Variants in TBCK observed in about 807,000 individuals in gnomAD.
TBCK encodes the protein TBC1 domain containing kinase.
Under a neutral mutation model 113.4 loss-of-function variants are expected in TBCK, and 99 were observed. The observed-to-expected ratio is 0.87, with a 90% CI of 0.74 to 1.03. The LOEUF (loss-of-function observed/expected upper bound fraction) is 1.03. Ranked by LOEUF, TBCK falls within the 50% of genes least tolerant of loss-of-function variation. The probability of loss-of-function intolerance (pLI) is 0.00; values close to 1 mark genes in which losing one functional copy is unlikely to be tolerated. For synonymous variants in TBCK, 369 were observed against 370.8 expected (o/e 1.00, Z 0.05); for missense variants, 1,045 against 1,061.3 (o/e 0.98, Z 0.21).
At chr4:106,269,535 C>T (rs570451257) in intron 3 of TBCK, among the ~76,000 whole-genome samples, 36 of 152,254 alleles carry the variant, frequency 2.4e-4, no homozygotes, top group African/African-American at 6.7e-4. Context: ...ACTGGGCACA[C>T]ATGTTTTAGC....
intron 23 of TBCK, among the ~76,000 whole-genome samples, chr4:106,124,920 G>A (rs1257888092): frequency 6.6e-6 from 1 of 151,348 alleles, no homozygotes; most frequent in Non-Finnish European, 1.5e-5. Flanking sequence ...GTTAGTGGGT[G>A]CAGCGCACCA....
chr4:106,078,079 A>T (rs1295651275), intron 25 of TBCK, among the ~76,000 whole-genome samples: 1 of 152,226 alleles, frequency 6.6e-6, no homozygotes, highest in Non-Finnish European at 1.5e-5. Flanking sequence ...AAATCAAAAC[A>T]TTATTTGAAA....
chr4:106,099,386 A>G (rs997754968), intron 24 of TBCK, among the ~76,000 whole-genome samples: 5 of 152,074 alleles, frequency 3.3e-5, no homozygotes, highest in Admixed American at 6.6e-5. Context: ...AAGAAGATCT[A>G]CCTACCTTTG....
At chr4:106,313,805 T>C (rs1219653173) in intron 1 of TBCK, among the ~76,000 whole-genome samples, 1 of 152,182 alleles carries the variant, frequency 6.6e-6, no homozygotes, top group African/African-American at 2.4e-5. Flanking sequence ...TCCACCTACC[T>C]ATTCCCCAGG....
intron 22 of TBCK, among the ~76,000 whole-genome samples, chr4:106,182,895 G>C (rs558797966): frequency 5.9e-5 from 9 of 151,942 alleles, no homozygotes; most frequent in Non-Finnish European, 1.2e-4. Context: ...AAATTATAGT[G>C]GATAGAAATG....
intron 23 of TBCK, among the ~76,000 whole-genome samples, chr4:106,128,943 C>T (rs1162218660): frequency 3.3e-5 from 5 of 152,034 alleles, no homozygotes. Flanking sequence ...GAAGCAGACT[C>T]AAATACATAT....
rs147466117 is a variant in TBCK at position 106,233,297 on chromosome 4, ATG to A, written c.1513-235_1513-234del. Among the ~76,000 whole-genome samples, 858 of 152,096 alleles carry A rather than the reference ATG, an allele frequency of 5.6e-3. 8 individuals carry two copies. Among genetic ancestry groups the A allele is most frequent in the African/African-American group, 0.02 (828 of 41,488 alleles). ...AGACCATTTCTTTTGAAAGGTATGT[ATG>A]TGTTAATATACTTTTCAAAAATATT... On this transcript the variant is annotated intron_variant, in intron 16 of 25. Transcript: ENST00000394708.
intron 19 of TBCK, among the ~76,000 whole-genome samples, chr4:106,227,974 C>A (rs1239644496): frequency 6.6e-6 from 1 of 151,804 alleles, no homozygotes; most frequent in Admixed American, 6.6e-5. Context: ...TATGTTTAAC[C>A]TCTACAATAT....
intron 3 of TBCK, among the ~76,000 whole-genome samples, chr4:106,266,074 A>C (rs889515943): frequency 6.6e-6 from 1 of 151,572 alleles, no homozygotes; most frequent in East Asian, 1.9e-4. Context: ...TCTTCAAAAA[A>C]TAAACTAACT....
Position 106,098,362 on chromosome 4 carries a change from A to G in TBCK, c.2412-2721T>C, listed in dbSNP as rs184681927. ...GCTTCAAAGAACCCAGTTCAGAGGAAATATTACTATTAAGGAAATAGTAGC... is the reference window on the plus strand; with the variant it reads ...GCTTCAAAGAACCCAGTTCAGAGGAGATATTACTATTAAGGAAATAGTAGC... On this transcript the variant is annotated intron_variant, in intron 24 of 25. Coordinates refer to ENST00000394708, the MANE Select transcript of TBCK (RefSeq NM_001163435.3). Among the ~76,000 whole-genome samples, 1,081 of 152,146 alleles carry G rather than the reference A, an allele frequency of 7.1e-3. 10 individuals carry two copies. The highest frequency in any genetic ancestry group is 9.9e-3 in the Non-Finnish European group (671 of 67,890).
At chr4:106,117,888 A>T (rs1171114168) in intron 23 of TBCK, among the ~76,000 whole-genome samples, 1 of 152,084 alleles carries the variant, frequency 6.6e-6, no homozygotes, top group Non-Finnish European at 1.5e-5. Flanking sequence ...GGGCGCCTGT[A>T]GTCCCAGCTA....
chr4:106,168,583 T>C (rs1750657391), intron 23 of TBCK, among the ~76,000 whole-genome samples: 1 of 151,902 alleles, frequency 6.6e-6, no homozygotes, highest in African/African-American at 2.4e-5. Flanking sequence ...ATCATATATG[T>C]AGAAAATCTG....
chr4:106,199,108 T>C (rs549124747), intron 20 of TBCK, among the ~76,000 whole-genome samples: 18 of 152,254 alleles, frequency 1.2e-4, no homozygotes, highest in African/African-American at 4.1e-4. Flanking sequence ...GCAGTAGATA[T>C]TCATTAAATA....
chr4:106,285,211 G>T (rs1212097329), intron 3 of TBCK, among the ~76,000 whole-genome samples: 1 of 151,918 alleles, frequency 6.6e-6, no homozygotes, highest in South Asian at 2.1e-4. Flanking sequence ...TTTAAACCAG[G>T]TTAGCCAACT....
chr4:106,171,718 T>C (rs1751043516), intron 22 of TBCK, among the ~76,000 whole-genome samples: 1 of 152,180 alleles, frequency 6.6e-6, no homozygotes, highest in Non-Finnish European at 1.5e-5. Flanking sequence ...AAGATGTTGA[T>C]TGCTGATTCA....
chr4:106,307,061 C>T (rs1357432151), intron 2 of TBCK, among the ~76,000 whole-genome samples: 5 of 152,182 alleles, frequency 3.3e-5, no homozygotes, highest in Non-Finnish European at 5.9e-5. Context: ...TAACTATTTA[C>T]AGCACTAGGT....
At chr4:106,220,483 A>G (rs1757550457) in intron 19 of TBCK, among the ~76,000 whole-genome samples, 1 of 152,124 alleles carries the variant, frequency 6.6e-6, no homozygotes, top group South Asian at 2.1e-4. Context: ...TTTCCCTATA[A>G]GCAAACATCT....
rs1161174508 is a variant in TBCK, at chr4:106,172,158, CTT to C, written c.2060-890_2060-889del. ...GCATTTCTCCATTCTTTAATAATCTCTTGAGTTAAATGAAGAAAGGTTTTAAA... is the reference window on the plus strand; with the variant it reads ...GCATTTCTCCATTCTTTAATAATCTCGAGTTAAATGAAGAAAGGTTTTAAA... On this transcript the variant is annotated intron_variant, in intron 22 of 25. Coordinates refer to ENST00000394708, the MANE Select transcript of TBCK (RefSeq NM_001163435.3). 3.9e-5 allele frequency among the ~76,000 whole-genome samples: 6 copies of C among 152,040 alleles called. 1 individual carries two copies. The highest frequency in any genetic ancestry group is 5.9e-5 in the Non-Finnish European group (4 of 67,996).
At chr4:106,271,593 A>T (rs1763486926) in intron 3 of TBCK, among the ~76,000 whole-genome samples, 1 of 151,908 alleles carries the variant, frequency 6.6e-6, no homozygotes, top group Admixed American at 6.6e-5. Flanking sequence ...CTCTACTAAA[A>T]ATACAAAAAT....
Sources: allele counts gnomAD v4.1 joint callset (sites outside exome capture counted in the v4.1 genomes callset), GRCh38; gene constraint gnomAD v4.1.1; transcripts MANE v1.5; gene names NCBI Gene and HGNC (gene_info 2026-07-23, HGNC 2026-07-21).